The following CLPTM1 variants were observed in gnomAD, a reference collection of about 807,000 sequenced individuals.
CLPTM1 encodes CLPTM1 regulator of GABA type A receptor forward trafficking.
In CLPTM1, 21 loss-of-function variants were observed where a neutral mutation model predicts 77.3. The ratio of observed to expected loss-of-function variants is 0.27; its 90% CI spans 0.19 to 0.39. The LOEUF (loss-of-function observed/expected upper bound fraction) is 0.39. Ranked by LOEUF, CLPTM1 falls within the 10% of genes least tolerant of loss-of-function variation. The probability of loss-of-function intolerance (pLI) is 1.00; values close to 1 mark genes in which losing one functional copy is unlikely to be tolerated. For missense variants in CLPTM1, 642 were observed against 921.2 expected (o/e 0.70, Z 3.92); for synonymous variants, 373 against 381.0 (o/e 0.98, Z 0.24).
intron 2 of CLPTM1, among the ~76,000 whole-genome samples, chr19:44,962,674 A>T (rs1369053015): frequency 6.6e-6 from 1 of 152,086 alleles, no homozygotes; most frequent in African/African-American, 2.4e-5. Context: ...TCACCCTCAT[A>T]ATCCCAGCAT....
At chr19:44,963,227 A>AT (rs1184784290) in intron 2 of CLPTM1, among the ~76,000 whole-genome samples, 2 of 146,790 alleles carry the variant, frequency 1.4e-5, no homozygotes, top group African/African-American at 5.0e-5. Context: ...AAAAAAAAAA[A>AT]AGCCAGGTAT....
chr19:44,959,931 C>T (rs1600007167), intron 1 of CLPTM1, among the ~76,000 whole-genome samples: 1 of 152,150 alleles, frequency 6.6e-6, no homozygotes, highest in African/African-American at 2.4e-5. Context: ...CCAGATTGCC[C>T]ATCACTAACG....
At chr19:44,960,301 G>C (rs1385134480) in intron 1 of CLPTM1, among the ~76,000 whole-genome samples, 1 of 152,194 alleles carries the variant, frequency 6.6e-6, no homozygotes, top group Non-Finnish European at 1.5e-5. Context: ...CCCCCTGCTT[G>C]TTTTCCATGT....
At chr19:44,972,310 C>T (rs917264159) in intron 2 of CLPTM1, among the ~76,000 whole-genome samples, 4 of 151,544 alleles carry the variant, frequency 2.6e-5, no homozygotes, top group South Asian at 4.2e-4. Flanking sequence ...TGCAGTGGCG[C>T]GATCTTGGCT....
chr19:44,983,632 A>G (rs1970932767), intron 5 of CLPTM1, among the ~76,000 whole-genome samples: 1 of 148,906 alleles, frequency 6.7e-6, no homozygotes, highest in Non-Finnish European at 1.5e-5. Context: ...AAAAAAAAAA[A>G]AAAAAAAAAA....
At chr19:44,987,996 G>A (rs1042538452) in intron 8 of CLPTM1, 84 bp from the exon 9 acceptor site, 19 of 1,004,094 alleles carry the variant, frequency 1.9e-5, no homozygotes, top group Non-Finnish European at 2.7e-5. Flanking sequence ...CTCTACAGGC[G>A]GCCCCAGGGG....
intron 2 of CLPTM1, 64 bp from the exon 3 acceptor site, chr19:44,973,023 C>T: frequency 3.2e-6 from 5 of 1,586,068 alleles, no homozygotes; most frequent in Non-Finnish European, 4.3e-6. Context: ...AGAAGGAAGT[C>T]AGGCGGGTCT....
intron 5 of CLPTM1, among the ~76,000 whole-genome samples, chr19:44,983,918 T>G (rs542955417): frequency 3.9e-5 from 6 of 152,056 alleles, no homozygotes; most frequent in Non-Finnish European, 7.4e-5. Flanking sequence ...GCCGAGATTG[T>G]GCCACTGCAC....
chr19:44,990,760 T>C lies in CLPTM1; in HGVS notation c.1324-90T>C. The C allele has an allele frequency of 1.5e-6, 2 of 1,320,148 alleles. No homozygotes were observed. The highest frequency in any genetic ancestry group is 2.1e-6 in the Non-Finnish European group (2 of 931,506). The allele number at this position is 1,320,148 out of a possible 1,614,324, so 81.8% of individuals were successfully genotyped here. On this transcript the variant is annotated intron_variant, in intron 10 of 13. Coordinates refer to ENST00000337392, the MANE Select transcript of CLPTM1 (RefSeq NM_001294.4). This position sits in a 1 kb window ranked among gnomAD's most constrained non-coding sequence, Gnocchi z 4.8. ...TGGGTCACACATGGGGCAGGGGAAC[T>C]GGGAACGGTGGGGAAGGGCAGGGGC... is the stretch of plus-strand genomic sequence containing the variant.
chr19:44,972,492 G>T (rs905474596), intron 2 of CLPTM1, among the ~76,000 whole-genome samples: 4 of 151,902 alleles, frequency 2.6e-5, no homozygotes, highest in East Asian at 1.9e-4. Flanking sequence ...CTCGTGATCC[G>T]CCCGCCTTGG....
intron 5 of CLPTM1, among the ~76,000 whole-genome samples, chr19:44,978,939 C>T (rs565530484): frequency 2.1e-4 from 32 of 150,308 alleles, no homozygotes; most frequent in Middle Eastern, 3.6e-3. Flanking sequence ...CTCTTGTTTT[C>T]GAGAAGTTAA....
chr19:44,982,386 A>C (rs969965632), intron 5 of CLPTM1, among the ~76,000 whole-genome samples: 2 of 151,448 alleles, frequency 1.3e-5, no homozygotes, highest in Non-Finnish European at 2.9e-5. Flanking sequence ...TTTATATCAT[A>C]GCACTTCTTG....
chr19:44,973,321 G>C, intron 3 of CLPTM1, 111 bp downstream of exon 3: 1 of 1,467,806 alleles, frequency 6.8e-7, no homozygotes, highest in Non-Finnish European at 9.3e-7. Flanking sequence ...TCACTGGCAG[G>C]TCTAGGAAAA....
At position 44,974,610 on chromosome 19, in the gene CLPTM1, C is replaced by T. The variant is rs202053969; in HGVS notation, c.468+13C>T. The T allele has an allele frequency of 6.2e-7, 1 of 1,610,674 alleles. No individual in the cohort carries two copies. The highest frequency in any genetic ancestry group is 8.5e-7 in the Non-Finnish European group (1 of 1,177,864). On this transcript the variant is annotated intron_variant, in intron 4 of 13. Transcript: ENST00000337392. Reference sequence around the variant, plus strand: ...CGATATCCCACAGGTGGGGGCAGCTCTCGGTTTCTGGCCCCATGGCTGCTT... The same window carrying T: ...CGATATCCCACAGGTGGGGGCAGCTTTCGGTTTCTGGCCCCATGGCTGCTT...
At chr19:44,956,482 A>C (rs1970465785) in intron 1 of CLPTM1, among the ~76,000 whole-genome samples, 1 of 152,216 alleles carries the variant, frequency 6.6e-6, no homozygotes. Context: ...GAGAAAGAGC[A>C]AGTGGTATCA....
intron 4 of CLPTM1, among the ~76,000 whole-genome samples, chr19:44,975,640 C>A (rs1280960592): frequency 2.6e-5 from 4 of 152,142 alleles, no homozygotes; most frequent in Non-Finnish European, 5.9e-5. Flanking sequence ...CCTTGGCTCA[C>A]TGCAACTTCA....
rs570749888 is a variant in CLPTM1 at position 44,993,219 on chromosome 19, G to A, written c.*322G>A. 19 of 555,086 alleles carry A rather than the reference G, an allele frequency of 3.4e-5. No homozygotes were observed. The highest frequency in any genetic ancestry group is 2.9e-4 in the East Asian group (7 of 24,342). The allele number at this position is 555,086 out of a possible 1,614,324, so 34.4% of individuals were successfully genotyped here. ...CGGGGGTGGGGCCGGGCCCCCCTACGGGATGCCCACGGCCGTTCATCATCT... is the reference window on the plus strand; with the variant it reads ...CGGGGGTGGGGCCGGGCCCCCCTACAGGATGCCCACGGCCGTTCATCATCT... On this transcript the variant is annotated 3_prime_UTR_variant, in exon 14 of 14. Coordinates refer to ENST00000337392, the MANE Select transcript of CLPTM1 (RefSeq NM_001294.4).
upstream of CLPTM1, chr19:44,955,030 A>G: frequency 6.5e-7 from 1 of 1,535,712 alleles, no homozygotes; most frequent in Non-Finnish European, 8.7e-7. Flanking sequence ...AAGGACGCGA[A>G]GAATCGGCAG....
rs35539206 is a variant in CLPTM1 at position 44,964,298 on chromosome 19, C to CTTTTTTTTTTTT, written c.185+2242_185+2253dup. ...TTTTAACCTATGTTTTCATTTTAAC[C>CTTTTTTTTTTTT]TTTTTTTTTTTTTTTTTTTTTTTTT... is the stretch of plus-strand genomic sequence containing the variant. On this transcript the variant is annotated intron_variant, in intron 2 of 13. Coordinates refer to ENST00000337392, the MANE Select transcript of CLPTM1 (RefSeq NM_001294.4). Among the ~76,000 whole-genome samples, 38 of 68,154 alleles carry CTTTTTTTTTTTT rather than the reference C, an allele frequency of 5.6e-4. 2 individuals are homozygous for CTTTTTTTTTTTT. The highest frequency in any genetic ancestry group is 8.2e-4 in the Non-Finnish European group (31 of 37,718). 44.7% of individuals were successfully genotyped at this position (68,154 alleles called of 152,430 possible).
Sources: gnomAD v4.1 joint callset for allele counts (sites outside exome capture counted in the v4.1 genomes callset) on GRCh38, gnomAD v4.1.1 for gene constraint, Gnocchi (gnomAD v3.1) non-coding constraint, MANE v1.5 for transcripts, NCBI Gene and HGNC (gene_info 2026-07-23, HGNC 2026-07-21) for gene names.